The following SRGAP1 variants were observed in gnomAD, a reference collection of about 807,000 sequenced individuals.
SRGAP1 encodes the protein SLIT-ROBO Rho GTPase-activating protein 1.
Under a neutral mutation model 121.9 loss-of-function variants are expected in SRGAP1, and 43 were observed. That is an observed-to-expected ratio of 0.35 (90% CI 0.28 to 0.46). SRGAP1 has a LOEUF of 0.46. Ranked by LOEUF, SRGAP1 falls within the 20% of genes least tolerant of loss-of-function variation. The pLI is 1.00. For missense variants in SRGAP1, 1,102 were observed against 1,350.9 expected, an observed-to-expected ratio of 0.82 and a Z score of 2.89; for synonymous variants, 447 against 485.4, an observed-to-expected ratio of 0.92 and a Z score of 1.04.
intron 6 of SRGAP1, among the ~76,000 whole-genome samples, chr12:64,059,085 G>C (rs2035398829): frequency 6.6e-6 from 1 of 152,040 alleles, no homozygotes; most frequent in African/African-American, 2.4e-5. Context: ...ACCTGGGGAG[G>C]CTCCTCTATC....
chr12:63,964,610 A>C (rs879426915), intron 1 of SRGAP1, among the ~76,000 whole-genome samples: 4 of 151,498 alleles, frequency 2.6e-5, no homozygotes, highest in Non-Finnish European at 5.9e-5. Flanking sequence ...AGGCCTATAT[A>C]ACTCCCTAGT....
At chr12:63,852,942 A>G (rs1221438821) in intron 1 of SRGAP1, among the ~76,000 whole-genome samples, 1 of 151,960 alleles carries the variant, frequency 6.6e-6, no homozygotes, top group African/African-American at 2.4e-5. Flanking sequence ...ATAATTTGGA[A>G]TAATAATTCC....
At chr12:63,847,653 G>C (rs1425801675) in intron 1 of SRGAP1, among the ~76,000 whole-genome samples, 2 of 152,048 alleles carry the variant, frequency 1.3e-5, no homozygotes, top group African/African-American at 2.4e-5. Context: ...GGCTGAGTCA[G>C]GAGAATTGCT....
chr12:63,942,910 A>G (rs1231221222), intron 1 of SRGAP1, among the ~76,000 whole-genome samples: 1 of 152,258 alleles, frequency 6.6e-6, no homozygotes, highest in Non-Finnish European at 1.5e-5. Flanking sequence ...ATACATCTAA[A>G]AATTACTTTA....
chr12:63,909,514 C>G (rs1408145507), intron 1 of SRGAP1, among the ~76,000 whole-genome samples: 2 of 152,202 alleles, frequency 1.3e-5, no homozygotes, highest in Non-Finnish European at 2.9e-5. Flanking sequence ...GGTATACTTT[C>G]AAATCTCAGA....
intron 1 of SRGAP1, among the ~76,000 whole-genome samples, chr12:63,934,614 T>C (rs982325180): frequency 2.6e-5 from 4 of 152,168 alleles, no homozygotes; most frequent in African/African-American, 9.7e-5. Context: ...TATTGGTCCA[T>C]AATCTCTGAT....
intron 11 of SRGAP1, among the ~76,000 whole-genome samples, chr12:64,087,544 G>C (rs954829971): frequency 6.6e-6 from 1 of 151,950 alleles, no homozygotes; most frequent in Non-Finnish European, 1.5e-5. Flanking sequence ...GACCAGCCTG[G>C]CCAATGTGGT....
chr12:63,847,403 T>TA (rs941769839), intron 1 of SRGAP1, among the ~76,000 whole-genome samples: 5 of 151,724 alleles, frequency 3.3e-5, no homozygotes, highest in Middle Eastern at 3.4e-3. Flanking sequence ...TATCTGATGA[T>TA]AAAAAAAAAT....
chr12:64,042,431 A>G (rs778603974), intron 4 of SRGAP1, among the ~76,000 whole-genome samples: 1 of 152,172 alleles, frequency 6.6e-6, no homozygotes, highest in Non-Finnish European at 1.5e-5. Context: ...GCTAAAATCA[A>G]TCCATGAATA....
At chr12:64,008,242 C>A (rs570812978) in intron 3 of SRGAP1, among the ~76,000 whole-genome samples, 1 of 152,270 alleles carries the variant, frequency 6.6e-6, no homozygotes, top group South Asian at 2.1e-4. Flanking sequence ...GGGGTTTTCC[C>A]CCTTAAAGTG....
chr12:64,088,233 A>T (rs2035982865), intron 11 of SRGAP1, among the ~76,000 whole-genome samples: 1 of 152,180 alleles, frequency 6.6e-6, no homozygotes, highest in Non-Finnish European at 1.5e-5. Context: ...AGAAAAAAAC[A>T]CTGAGGTTTT....
chr12:64,122,782 C>T (rs1394845576), intron 18 of SRGAP1, among the ~76,000 whole-genome samples: 1 of 152,054 alleles, frequency 6.6e-6, no homozygotes, highest in Non-Finnish European at 1.5e-5. Flanking sequence ...CCTGCAGTCC[C>T]GGCTACTCGA....
intron 1 of SRGAP1, among the ~76,000 whole-genome samples, chr12:63,872,637 G>A (rs1899892308): frequency 6.6e-6 from 1 of 152,228 alleles, no homozygotes; most frequent in Non-Finnish European, 1.5e-5. Flanking sequence ...AGTATCATAA[G>A]TTCATTCATT....
At chr12:64,046,701 A>G (rs1329630479) in intron 6 of SRGAP1, among the ~76,000 whole-genome samples, 2 of 152,110 alleles carry the variant, frequency 1.3e-5, no homozygotes, top group African/African-American at 2.4e-5. Context: ...GTCTGAGAAG[A>G]CTGAGATACC....
intron 1 of SRGAP1, among the ~76,000 whole-genome samples, chr12:63,951,994 TAGAG>T (rs1193188958): frequency 1.3e-5 from 2 of 152,084 alleles, no homozygotes; most frequent in Non-Finnish European, 2.9e-5. Context: ...AAATATGTAA[TAGAG>T]AGTAGGAAGG....
intron 1 of SRGAP1, among the ~76,000 whole-genome samples, chr12:63,936,609 CAT>C (rs1484889146): frequency 1.3e-5 from 2 of 152,134 alleles, no homozygotes; most frequent in African/African-American, 4.8e-5. Flanking sequence ...ACAGTGAAGA[CAT>C]AGAGGGCACC....
chr12:63,854,705 GC>G (rs1266579705), intron 1 of SRGAP1, among the ~76,000 whole-genome samples: 2 of 152,094 alleles, frequency 1.3e-5, no homozygotes, highest in Non-Finnish European at 2.9e-5. Flanking sequence ...CACACTGTGT[GC>G]TTTCTCTGGT....
chr12:63,883,380 CAAG>C lies in SRGAP1; in HGVS notation c.67+38503_67+38505del, dbSNP rs1425010417. Among the ~76,000 whole-genome samples the C allele has an allele frequency of 8.5e-5, 13 of 152,298 alleles. No homozygotes were observed. The East Asian group carries it at 2.5e-3, about 29-fold the overall frequency. On this transcript the variant is annotated intron_variant, in intron 1 of 21. Transcript: ENST00000355086. ...GGTAAGTCTTTGCCCCAGAAAGTGA[CAAG>C]AAGAAAACTTGCTTTTTGTTCGTTT... is the stretch of plus-strand genomic sequence containing the variant.
chr12:64,041,739 T>G (rs1593070046), intron 4 of SRGAP1, among the ~76,000 whole-genome samples: 3 of 152,134 alleles, frequency 2.0e-5, no homozygotes, highest in African/African-American at 7.2e-5. Context: ...ATATATGGCA[T>G]TTTTAAAGGA....
Sources: gnomAD v4.1 joint callset for allele counts (sites outside exome capture counted in the v4.1 genomes callset) on GRCh38, gnomAD v4.1.1 for gene constraint, MANE v1.5 for transcripts, NCBI Gene and HGNC (gene_info 2026-07-23, HGNC 2026-07-21) for gene names.